Variants in PXDN observed in about 807,000 individuals in gnomAD.
The protein encoded by PXDN is peroxidasin homolog.
Under a neutral mutation model 140.3 loss-of-function variants are expected in PXDN, and 77 were observed. The observed-to-expected ratio is 0.55, with a 90% CI of 0.46 to 0.66. PXDN has a LOEUF of 0.66. Ranked by LOEUF, PXDN falls within the 30% of genes least tolerant of loss-of-function variation. The probability of loss-of-function intolerance (pLI) is 0.00; values close to 1 mark genes in which losing one functional copy is unlikely to be tolerated. For missense variants in PXDN, 1,838 were observed against 2,039.5 expected (o/e 0.90, Z 1.90); for synonymous variants, 911 against 857.4 (o/e 1.06, Z -1.09).
intron 19 of PXDN, among the ~76,000 whole-genome samples, chr2:1,641,252 A>G (rs1214524810): frequency 1.3e-5 from 2 of 152,120 alleles, no homozygotes; most frequent in African/African-American, 4.8e-5. Flanking sequence ...CTTGGGTTCA[A>G]GCAATTCTCC....
chr2:1,654,999 T>G (rs899325020), intron 14 of PXDN, among the ~76,000 whole-genome samples: 1 of 151,916 alleles, frequency 6.6e-6, no homozygotes, highest in Non-Finnish European at 1.5e-5. Context: ...ACTTGTATCA[T>G]TACACAGGGA....
At position 1,653,798 on chromosome 2, in the gene PXDN, TA is replaced by T; in HGVS notation, c.1947-14del. ...AGAACGAGGACGGCTAACCAGAGTT[TA>T]GGGGGAAGAAAGGAAGAATGAAACA... On this transcript the variant is annotated splice_polypyrimidine_tract_variant and intron_variant, in intron 15 of 22. Transcript: ENST00000252804. The T allele has an allele frequency of 6.5e-7, 1 of 1,547,442 alleles. No homozygotes were observed. Among genetic ancestry groups the T allele is most frequent in the Non-Finnish European group, 8.8e-7 (1 of 1,140,592 alleles).
At chr2:1,635,610 A>G (rs1682531561) in intron 21 of PXDN, 89 bp from the exon 22 acceptor site, 1 of 947,432 alleles carries the variant, frequency 1.1e-6, no homozygotes, top group African/African-American at 1.6e-5. Flanking sequence ...CACTGAAAAT[A>G]ATGCCTTAAA....
At chr2:1,727,192 A>C (rs1685206876) in intron 1 of PXDN, among the ~76,000 whole-genome samples, 1 of 152,140 alleles carries the variant, frequency 6.6e-6, no homozygotes, top group Non-Finnish European at 1.5e-5. Context: ...GAGCACACAC[A>C]GCCCACCCTC....
intron 9 of PXDN, among the ~76,000 whole-genome samples, chr2:1,668,192 C>T (rs1239977407): frequency 6.6e-6 from 1 of 152,096 alleles, no homozygotes; most frequent in African/African-American, 2.4e-5. Context: ...CAAAAACAAG[C>T]AATGGGGAAA....
intron 1 of PXDN, among the ~76,000 whole-genome samples, chr2:1,741,859 G>A (rs1320926051): frequency 6.6e-6 from 1 of 152,056 alleles, no homozygotes; most frequent in Non-Finnish European, 1.5e-5. Context: ...GTTGCTTCAC[G>A]TGTAGCATGT....
intron 15 of PXDN, 61 bp downstream of exon 15, chr2:1,654,339 T>G (rs950943562): frequency 1.7e-6 from 2 of 1,208,308 alleles, no homozygotes; most frequent in Non-Finnish European, 2.4e-6. Context: ...CTTTAATCAC[T>G]CCCACCTTCA....
At chr2:1,733,451 C>T (rs1041924969) in intron 1 of PXDN, among the ~76,000 whole-genome samples, 4 of 152,026 alleles carry the variant, frequency 2.6e-5, no homozygotes, top group Non-Finnish European at 4.4e-5. Context: ...ATTTTTAAAG[C>T]GGTGTCGGCT....
At chr2:1,680,134 A>G in intron 7 of PXDN, 59 bp downstream of exon 7, 1 of 1,469,402 alleles carries the variant, frequency 6.8e-7, no homozygotes, top group Non-Finnish European at 9.1e-7. Context: ...GTGTGTGTGG[A>G]TGGTGTGTGT....
At chr2:1,716,521 TAAGA>T (rs1168531749) in intron 1 of PXDN, among the ~76,000 whole-genome samples, 29 of 140,298 alleles carry the variant, frequency 2.1e-4, no homozygotes, top group African/African-American at 7.0e-4. Context: ...GGACTGGATA[TAAGA>T]GGTGTACAGT....
intron 14 of PXDN, among the ~76,000 whole-genome samples, chr2:1,655,575 A>T (rs1390281083): frequency 6.6e-6 from 1 of 151,310 alleles, no homozygotes; most frequent in Non-Finnish European, 1.5e-5. Flanking sequence ...GCCCCTCCTG[A>T]CAGAAACCTG....
In PXDN at chr2:1,649,551, C is replaced by A. The variant is rs750777315; in HGVS notation, c.2229G>T (p.Thr743=). The change falls in exon 17 of 23, where the codon ACG becomes ACT. Residue 743 remains threonine, a synonymous_variant. Coordinates refer to ENST00000252804, the MANE Select transcript of PXDN (RefSeq NM_012293.3). This position sits in a 1 kb window ranked among gnomAD's most constrained non-coding sequence, Gnocchi z 7.1. ...GCAGGTTGTTACAGGTGCCGTCGTG[C>A]GTCCGGTACTTCTGGTGGAAGCACA... ...SDMCFHQKYR[T]HDGTCNNLQH... The A allele has an allele frequency of 4.3e-6, 7 of 1,613,898 alleles. No homozygotes were observed. In the African/African-American group the frequency reaches 8.0e-5, roughly 18 times the overall value.
rs2125407846 is a variant in PXDN, at chr2:1,644,744, C to G, written c.3617G>C (p.Gly1206Ala). Reference protein sequence around the residue: ...EIREKLKRLYGSTLNIDLFPA... With the variant: ...EIREKLKRLYASTLNIDLFPA... ...AAACAGGTCGATGTTGAGTGTCGAG[C>G]CATACAACCTAAAAAATAAAGAGAA... Residue 1206 changes from glycine (G) to alanine (A), a missense_variant, in exon 18 of 23, where the codon GGC becomes GCC. This residue lies in a region of PXDN where 850 missense variants were observed against 894.1 expected (regional missense o/e 0.95). Transcript: ENST00000252804. The G allele has an allele frequency of 6.5e-7, 1 of 1,536,084 alleles. No individual in the cohort carries two copies. Among genetic ancestry groups the G allele is most frequent in the Non-Finnish European group, 8.8e-7 (1 of 1,133,998 alleles).
intron 21 of PXDN, chr2:1,636,269 C>T (rs950555579): frequency 2.6e-5 from 4 of 152,638 alleles, no homozygotes; most frequent in African/African-American, 9.6e-5. Flanking sequence ...GAAATGAACA[C>T]AAATTATTTA....
chr2:1,657,997 T>C (rs1683190100), intron 14 of PXDN, among the ~76,000 whole-genome samples: 2 of 146,172 alleles, frequency 1.4e-5, no homozygotes, highest in Admixed American at 6.8e-5. Context: ...TCCTTGTCTC[T>C]TCCTCCTGAG....
chr2:1,731,470 C>T (rs1685313715), intron 1 of PXDN, among the ~76,000 whole-genome samples: 1 of 152,138 alleles, frequency 6.6e-6, no homozygotes, highest in African/African-American at 2.4e-5. Context: ...CTTCACATAA[C>T]CTCCTCTCTC....
intron 22 of PXDN, among the ~76,000 whole-genome samples, chr2:1,634,708 G>T (rs1260419184): frequency 2.0e-5 from 3 of 152,196 alleles, no homozygotes; most frequent in African/African-American, 7.2e-5. Context: ...GGACTAGAGA[G>T]AGGGGGGAAG....
intron 1 of PXDN, among the ~76,000 whole-genome samples, chr2:1,724,322 T>C (rs946101493): frequency 2.6e-5 from 4 of 151,674 alleles, no homozygotes; most frequent in Non-Finnish European, 5.9e-5. Flanking sequence ...GTTTTTTTTT[T>C]TTTTTGGTCA....
At chr2:1,662,229 T>C in intron 12 of PXDN, 45 bp from the exon 13 acceptor site, 1 of 1,485,718 alleles carries the variant, frequency 6.7e-7, no homozygotes, top group Non-Finnish European at 9.2e-7. Context: ...GTCAATTACA[T>C]CAAAAAACTT....
Sources: gnomAD v4.1 joint callset for allele counts (sites outside exome capture counted in the v4.1 genomes callset) on GRCh38, gnomAD v4.1.1 for gene constraint, gnomAD v4.1.1 regional missense constraint, Gnocchi (gnomAD v3.1) non-coding constraint, MANE v1.5 for transcripts, NCBI Gene and HGNC (gene_info 2026-07-23, HGNC 2026-07-21) for gene names.